Variants in TMTC2 observed in about 807,000 individuals in gnomAD.
The protein encoded by TMTC2 is protein O-mannosyl-transferase TMTC2.
Under a neutral mutation model 82.4 loss-of-function variants are expected in TMTC2, and 43 were observed. The ratio of observed to expected loss-of-function variants is 0.52; its 90% CI spans 0.41 to 0.67. The LOEUF (loss-of-function observed/expected upper bound fraction) is 0.67, where lower values mean the gene tolerates loss of function less well. Ranked by LOEUF, TMTC2 falls within the 30% of genes least tolerant of loss-of-function variation. TMTC2 has a pLI of 0.00. For missense variants in TMTC2, 919 were observed against 1,012.4 expected, an observed-to-expected ratio of 0.91 and a Z score of 1.25; for synonymous variants, 408 against 381.9, an observed-to-expected ratio of 1.07 and a Z score of -0.80.
chr12:83,127,387 C>T (rs1372890573), intron 11 of TMTC2, among the ~76,000 whole-genome samples: 1 of 152,034 alleles, frequency 6.6e-6, no homozygotes, highest in East Asian at 1.9e-4. Context: ...TCTCATAACT[C>T]CTCTTGCCTG....
rs553403796 is a variant in TMTC2, at chr12:82,893,988, G to C, written c.655-1830G>C. Among the ~76,000 whole-genome samples the C allele has an allele frequency of 1.6e-4, 24 of 152,312 alleles. No individual in the cohort carries two copies. In the South Asian group the frequency reaches 4.6e-3, roughly 29 times the overall value. ...GGACAGATTCAGGATATATTTGGACGTGAAAGTTGTGAAGACTTGATAATG... is the reference window on the plus strand; with the variant it reads ...GGACAGATTCAGGATATATTTGGACCTGAAAGTTGTGAAGACTTGATAATG... On this transcript the variant is annotated intron_variant, in intron 2 of 11. Coordinates refer to ENST00000321196, the MANE Select transcript of TMTC2 (RefSeq NM_152588.3).
intron 1 of TMTC2, among the ~76,000 whole-genome samples, chr12:82,785,203 A>G (rs2137014657): frequency 6.6e-6 from 1 of 152,196 alleles, no homozygotes; most frequent in African/African-American, 2.4e-5. Context: ...ATTAGATGAG[A>G]AAGACTTAGC....
chr12:83,121,678 A>G (rs1173152958), intron 11 of TMTC2, among the ~76,000 whole-genome samples: 1 of 151,908 alleles, frequency 6.6e-6, no homozygotes, highest in African/African-American at 2.4e-5. Context: ...CTGTGGTAGT[A>G]TGGGGAGGAA....
At chr12:82,886,559 T>C (rs1873111052) in intron 2 of TMTC2, among the ~76,000 whole-genome samples, 1 of 152,154 alleles carries the variant, frequency 6.6e-6, no homozygotes, top group Non-Finnish European at 1.5e-5. Flanking sequence ...AAGATACTTT[T>C]TTATGCCCCT....
At chr12:82,703,535 G>GACA (rs1419868878) in intron 1 of TMTC2, among the ~76,000 whole-genome samples, 3 of 141,964 alleles carry the variant, frequency 2.1e-5, no homozygotes, top group Non-Finnish European at 4.5e-5. Flanking sequence ...GTCTCACTGT[G>GACA]TCGCCCAGGC....
intron 2 of TMTC2, among the ~76,000 whole-genome samples, chr12:82,870,045 G>A (rs1364113690): frequency 2.0e-5 from 3 of 152,060 alleles, no homozygotes; most frequent in Admixed American, 2.0e-4. Flanking sequence ...TTGGCCATTT[G>A]CACTTCAGTT....
At chr12:82,708,687 A>G (rs555199604) in intron 1 of TMTC2, among the ~76,000 whole-genome samples, 1 of 152,284 alleles carries the variant, frequency 6.6e-6, no homozygotes, top group African/African-American at 2.4e-5. Context: ...TGCTTCTACG[A>G]TGCTCGAGTT....
chr12:83,039,832 G>A (rs981686033), intron 9 of TMTC2, among the ~76,000 whole-genome samples: 5 of 152,148 alleles, frequency 3.3e-5, no homozygotes, highest in South Asian at 2.1e-4. Context: ...TCCAAAAAAC[G>A]AGAAAGAAAT....
Position 82,687,358 on chromosome 12 carries a change from G to A in TMTC2, c.-229G>A, listed in dbSNP as rs546983362. On this transcript the variant is annotated 5_prime_UTR_variant, in exon 1 of 12. In the 5' UTR this introduces an upstream ATG that the reference lacks. Coordinates refer to ENST00000321196, the MANE Select transcript of TMTC2 (RefSeq NM_152588.3). ...CGCTTGCGGGCGCCGGGCATGGGGA[G>A]TGTGGTGTGAGCCCGCACCCGGGGA... 2.9e-5 allele frequency: 17 copies of A among 578,096 alleles called. No individual in the cohort carries two copies. The Admixed American group carries it at 4.9e-4, about 17-fold the overall frequency. 35.8% of individuals were successfully genotyped at this position (578,096 alleles called of 1,614,324 possible).
intron 1 of TMTC2, among the ~76,000 whole-genome samples, chr12:82,700,318 A>G (rs765921450): frequency 6.6e-6 from 1 of 152,210 alleles, no homozygotes; most frequent in Non-Finnish European, 1.5e-5. Context: ...CTTACTAAAT[A>G]TTTCTTTTAA....
intron 11 of TMTC2, among the ~76,000 whole-genome samples, chr12:83,101,904 A>G (rs1002070008): frequency 1.3e-5 from 2 of 152,252 alleles, no homozygotes; most frequent in African/African-American, 4.8e-5. Flanking sequence ...TGCATATTGG[A>G]CAAATAATTG....
At chr12:82,772,714 A>C (rs1357520448) in intron 1 of TMTC2, among the ~76,000 whole-genome samples, 2 of 152,162 alleles carry the variant, frequency 1.3e-5, no homozygotes, top group Non-Finnish European at 2.9e-5. Flanking sequence ...CCCTGAAATA[A>C]ATTTAATTCT....
At chr12:83,090,922 A>G (rs944807336) in intron 11 of TMTC2, among the ~76,000 whole-genome samples, 1 of 152,194 alleles carries the variant, frequency 6.6e-6, no homozygotes, top group African/African-American at 2.4e-5. Context: ...GTGACTGTCA[A>G]TTTCACATTG....
At chr12:82,858,205 T>G (rs1010805526) in intron 2 of TMTC2, among the ~76,000 whole-genome samples, 2 of 152,234 alleles carry the variant, frequency 1.3e-5, no homozygotes, top group African/African-American at 2.4e-5. Context: ...CCGTATTCCC[T>G]TAGTGGTATC....
intron 8 of TMTC2, among the ~76,000 whole-genome samples, chr12:83,020,046 A>G (rs1455959917): frequency 2.6e-5 from 4 of 152,160 alleles, no homozygotes; most frequent in African/African-American, 9.7e-5. Flanking sequence ...TTCTGCTTCA[A>G]TTAGCTAATC....
At chr12:83,063,209 A>AT (rs1489533780) in intron 11 of TMTC2, among the ~76,000 whole-genome samples, 1 of 151,726 alleles carries the variant, frequency 6.6e-6, no homozygotes, top group Non-Finnish European at 1.5e-5. Context: ...GTATTCAGAG[A>AT]TAAAGTGTTA....
At chr12:82,874,332 G>T (rs1411725934) in intron 2 of TMTC2, among the ~76,000 whole-genome samples, 1 of 152,112 alleles carries the variant, frequency 6.6e-6, no homozygotes, top group East Asian at 1.9e-4. Flanking sequence ...TTCCTAATAT[G>T]GGCATTTCTG....
At position 83,028,953 on chromosome 12, in the gene TMTC2, C is replaced by T. The variant is rs142574748; in HGVS notation, c.2071-1845C>T. Among the ~76,000 whole-genome samples, 8 of 152,066 alleles carry T rather than the reference C, an allele frequency of 5.3e-5. No homozygotes were observed. In the East Asian group the frequency reaches 5.8e-4, roughly 11 times the overall value. The stretch of plus-strand genomic sequence containing the variant: ...CTATTTGACAAGACTTGTGATTTAA[C>T]GAGGAGTTACTGAATAGAGTAGCAT... On this transcript the variant is annotated intron_variant, in intron 8 of 11. Transcript: ENST00000321196.
chr12:82,807,398 T>A (rs1051872848), intron 1 of TMTC2, among the ~76,000 whole-genome samples: 2 of 152,126 alleles, frequency 1.3e-5, no homozygotes, highest in African/African-American at 4.8e-5. Flanking sequence ...TTCCCTTTCA[T>A]TCAGTGTCAA....
Sources: gnomAD v4.1 joint callset for allele counts (sites outside exome capture counted in the v4.1 genomes callset) on GRCh38, gnomAD v4.1.1 for gene constraint, MANE v1.5 for transcripts, NCBI Gene and HGNC (gene_info 2026-07-23, HGNC 2026-07-21) for gene names.